The following AUTS2 variants were observed in gnomAD, a reference collection of about 807,000 sequenced individuals.
AUTS2 encodes autism susceptibility gene 2 protein.
Under a neutral mutation model 112.4 loss-of-function variants are expected in AUTS2, and 17 were observed. The observed-to-expected ratio is 0.15, with a 90% CI of 0.10 to 0.23. The LOEUF is 0.23. Among genes scored for constraint, AUTS2 ranks in the 10% least tolerant of loss-of-function variants. The pLI, the probability that AUTS2 is intolerant of heterozygous loss-of-function variation, is 1.00. For missense variants in AUTS2, 1,510 were observed against 1,701.6 expected (o/e 0.89, Z 1.98); for synonymous variants, 751 against 702.7 (o/e 1.07, Z -1.09).
rs117323685 is a variant in AUTS2 at position 70,375,189 on chromosome 7, C to T, written c.661-60563C>T. 1.5e-4 allele frequency among the ~76,000 whole-genome samples: 23 copies of T among 152,278 alleles called. No individual in the cohort carries two copies. In the East Asian group the frequency reaches 4.4e-3, roughly 29 times the overall value. On this transcript the variant is annotated intron_variant, in intron 4 of 18. Coordinates refer to ENST00000342771, the MANE Select transcript of AUTS2 (RefSeq NM_015570.4). The stretch of plus-strand genomic sequence containing the variant: ...ATTCAATATGTTAAATGTTGAAATG[C>T]TTGTGAAACAACGCATATATGATAG...
intron 2 of AUTS2, among the ~76,000 whole-genome samples, chr7:70,090,378 T>C (rs1040397606): frequency 6.6e-6 from 1 of 152,064 alleles, no homozygotes; most frequent in African/African-American, 2.4e-5. Flanking sequence ...TTTTTTTTTT[T>C]CTTGAGACGA....
At chr7:69,831,172 T>A (rs1397066751) in intron 1 of AUTS2, among the ~76,000 whole-genome samples, 1 of 152,166 alleles carries the variant, frequency 6.6e-6, no homozygotes, top group Non-Finnish European at 1.5e-5. Context: ...ATTTGCTACT[T>A]TGAAGGGTTT....
At chr7:70,112,777 G>C (rs1009835361) in intron 2 of AUTS2, among the ~76,000 whole-genome samples, 6 of 151,544 alleles carry the variant, frequency 4.0e-5, no homozygotes, top group African/African-American at 1.2e-4. Flanking sequence ...ACATCAATCT[G>C]TTGATTGATC....
chr7:69,929,550 A>G (rs764268724), intron 2 of AUTS2, among the ~76,000 whole-genome samples: 3 of 149,314 alleles, frequency 2.0e-5, no homozygotes, highest in African/African-American at 4.9e-5. Flanking sequence ...ATTTTTCTTC[A>G]TTCTTTTTTC....
At chr7:70,431,053 G>T (rs1795643764) in intron 4 of AUTS2, among the ~76,000 whole-genome samples, 2 of 151,930 alleles carry the variant, frequency 1.3e-5, no homozygotes, top group Non-Finnish European at 2.9e-5. Context: ...TAGCCGGGAT[G>T]GTCTCGATCT....
intron 4 of AUTS2, among the ~76,000 whole-genome samples, chr7:70,161,295 C>A (rs1294503277): frequency 6.8e-6 from 1 of 147,970 alleles, no homozygotes. Context: ...TTTTTTTTTT[C>A]ACTGAAAATT....
At chr7:70,355,748 G>A (rs1225977735) in intron 4 of AUTS2, among the ~76,000 whole-genome samples, 1 of 152,152 alleles carries the variant, frequency 6.6e-6, no homozygotes, top group African/African-American at 2.4e-5. Context: ...AGGCACTGCA[G>A]CTGATATATG....
intron 1 of AUTS2, among the ~76,000 whole-genome samples, chr7:69,845,649 G>A (rs915015084): frequency 6.6e-6 from 1 of 152,178 alleles, no homozygotes; most frequent in Non-Finnish European, 1.5e-5. Context: ...ATAGCAGGGA[G>A]GGGAGTGTTT....
At chr7:70,094,768 C>G (rs976910795) in intron 2 of AUTS2, among the ~76,000 whole-genome samples, 3 of 152,098 alleles carry the variant, frequency 2.0e-5, no homozygotes, top group Non-Finnish European at 4.4e-5. Flanking sequence ...ATTTATAGTT[C>G]GTGAGTTCAA....
chr7:70,273,365 A>G lies in AUTS2; in HGVS notation c.660+138794A>G, dbSNP rs371316959. On this transcript the variant is annotated intron_variant, in intron 4 of 18. Coordinates refer to ENST00000342771, the MANE Select transcript of AUTS2 (RefSeq NM_015570.4). ...ATTGATTTTAAAGCTCTTTTTTGTGATTTGTTGTAATTTGGGACCACAATA... is the reference window on the plus strand; with the variant it reads ...ATTGATTTTAAAGCTCTTTTTTGTGGTTTGTTGTAATTTGGGACCACAATA... Among the ~76,000 whole-genome samples the G allele has an allele frequency of 1.5e-4, 23 of 152,148 alleles. No homozygotes were observed. In the East Asian group the frequency reaches 3.9e-3, roughly 26 times the overall value.
At chr7:70,019,428 A>G (rs1800176174) in intron 2 of AUTS2, among the ~76,000 whole-genome samples, 1 of 152,244 alleles carries the variant, frequency 6.6e-6, no homozygotes, top group African/African-American at 2.4e-5. Flanking sequence ...AAATTAAAAA[A>G]CAAAAACAAA....
chr7:70,328,574 A>G (rs971980655), intron 4 of AUTS2, among the ~76,000 whole-genome samples: 2 of 152,158 alleles, frequency 1.3e-5, no homozygotes, highest in Admixed American at 6.5e-5. Flanking sequence ...AATCACTTGA[A>G]TAACTTTTTG....
chr7:70,574,093 A>T (rs573876877), intron 5 of AUTS2, among the ~76,000 whole-genome samples: 6 of 152,198 alleles, frequency 3.9e-5, no homozygotes, highest in African/African-American at 1.4e-4. Context: ...GGCTGCCAAG[A>T]TCTAATCCTG....
chr7:70,702,672 C>T (rs1381448131), intron 6 of AUTS2, among the ~76,000 whole-genome samples: 1 of 152,148 alleles, frequency 6.6e-6, no homozygotes, highest in African/African-American at 2.4e-5. Context: ...ATGTGAACAG[C>T]AACAGAGCAG....
At chr7:70,677,821 C>T (rs959876791) in intron 5 of AUTS2, among the ~76,000 whole-genome samples, 2 of 152,136 alleles carry the variant, frequency 1.3e-5, no homozygotes, top group Non-Finnish European at 2.9e-5. Context: ...CGGTGGCTGA[C>T]GCCTATAATC....
intron 5 of AUTS2, among the ~76,000 whole-genome samples, chr7:70,520,752 G>A (rs1346845387): frequency 2.6e-5 from 4 of 152,176 alleles, no homozygotes; most frequent in East Asian, 1.9e-4. Context: ...ACAAATGAGC[G>A]GCTGAGTAAG....
intron 2 of AUTS2, among the ~76,000 whole-genome samples, chr7:70,117,137 G>T (rs202114117): frequency 0.21 from 12,115 of 56,852 alleles, 707 homozygotes; most frequent in African/African-American, 0.35. Context: ...GTTTTTTTTT[G>T]TTTTTTTTTT....
intron 6 of AUTS2, among the ~76,000 whole-genome samples, chr7:70,762,448 TG>T (rs1294417219): frequency 6.6e-6 from 1 of 152,192 alleles, no homozygotes; most frequent in East Asian, 1.9e-4. Context: ...TTTTTTTTTT[TG>T]TAGAGTCAGG....
At chr7:69,744,214 A>G (rs1787390033) in intron 1 of AUTS2, among the ~76,000 whole-genome samples, 1 of 152,110 alleles carries the variant, frequency 6.6e-6, no homozygotes, top group African/African-American at 2.4e-5. Context: ...TCTGCTGGCG[A>G]TGGCTTTTGG....
Sources: gnomAD v4.1 joint callset for allele counts (sites outside exome capture counted in the v4.1 genomes callset) on GRCh38, gnomAD v4.1.1 for gene constraint, MANE v1.5 for transcripts, NCBI Gene and HGNC (gene_info 2026-07-23, HGNC 2026-07-21) for gene names.